GLIS3: variants seen among roughly 807,000 people sequenced by gnomAD.
GLIS3 encodes the protein zinc finger protein GLIS3.
In GLIS3, 53 loss-of-function variants were observed where a neutral mutation model predicts 78.6. The observed-to-expected ratio is 0.67, with a 90% CI of 0.54 to 0.85. The LOEUF is 0.85. Ranked by LOEUF, GLIS3 falls within the 40% of genes least tolerant of loss-of-function variation. GLIS3 has a pLI of 0.00. For synonymous variants in GLIS3, 684 were observed against 509.9 expected (o/e 1.34, Z -4.60); for missense variants, 1,703 against 1,231.1 (o/e 1.38, Z -5.74).
At chr9:4,176,423 A>G (rs916913113) in intron 2 of GLIS3, among the ~76,000 whole-genome samples, 2 of 152,190 alleles carry the variant, frequency 1.3e-5, no homozygotes, top group Non-Finnish European at 2.9e-5. Flanking sequence ...AGTTCTGTTC[A>G]TCTAGTTGTA....
intron 4 of GLIS3, among the ~76,000 whole-genome samples, chr9:4,002,814 G>T (rs1199659738): frequency 6.6e-6 from 1 of 152,154 alleles, no homozygotes; most frequent in Non-Finnish European, 1.5e-5. Flanking sequence ...GAAAAGGGAA[G>T]TTATCACCGA....
chr9:4,192,820 AAG>A (rs1491086901), intron 2 of GLIS3, among the ~76,000 whole-genome samples: 5 of 139,480 alleles, frequency 3.6e-5, no homozygotes, highest in Admixed American at 1.4e-4. Context: ...AAAAAAAAAA[AAG>A]AAGAAGAAGA....
chr9:4,200,277 T>A (rs142636320), intron 2 of GLIS3, among the ~76,000 whole-genome samples: 50 of 151,760 alleles, frequency 3.3e-4, no homozygotes, highest in African/African-American at 1.1e-3. Flanking sequence ...ACTCCAGAGC[T>A]AGCAGAAGAA....
At chr9:4,186,994 G>A (rs1343880714) in intron 2 of GLIS3, among the ~76,000 whole-genome samples, 1 of 152,074 alleles carries the variant, frequency 6.6e-6, no homozygotes, top group Non-Finnish European at 1.5e-5. Context: ...AAGCTCTTTA[G>A]TTTAATTAGA....
chr9:4,337,833 T>G (rs925494781), intron 2 of GLIS3, among the ~76,000 whole-genome samples: 2 of 152,164 alleles, frequency 1.3e-5, no homozygotes, highest in African/African-American at 4.8e-5. Flanking sequence ...GTTGTATCAT[T>G]TAATCCTCAC....
At chr9:4,197,962 G>A (rs1421818769) in intron 2 of GLIS3, among the ~76,000 whole-genome samples, 1 of 151,938 alleles carries the variant, frequency 6.6e-6, no homozygotes, top group Non-Finnish European at 1.5e-5. Flanking sequence ...GAGACAAAAA[G>A]AAAGAACAAA....
chr9:4,427,772 T>A, the GLIS3 span, among the ~76,000 whole-genome samples: 1 of 151,764 alleles, frequency 6.6e-6, no homozygotes, highest in African/African-American at 2.4e-5. Flanking sequence ...GGCACAAGAA[T>A]CGCTTGAATC....
At chr9:4,254,154 C>T (rs915969177) in intron 2 of GLIS3, among the ~76,000 whole-genome samples, 1 of 152,180 alleles carries the variant, frequency 6.6e-6, no homozygotes, top group Admixed American at 6.5e-5. Flanking sequence ...TTAATATTTA[C>T]TGCATGTCAC....
chr9:4,164,523 G>A (rs1421142645), intron 2 of GLIS3, among the ~76,000 whole-genome samples: 1 of 152,202 alleles, frequency 6.6e-6, no homozygotes, highest in Non-Finnish European at 1.5e-5. Context: ...TAACTCGACT[G>A]TGAAAGGGTC....
At chr9:4,110,094 G>T (rs1235235057) in intron 4 of GLIS3, among the ~76,000 whole-genome samples, 1 of 152,180 alleles carries the variant, frequency 6.6e-6, no homozygotes, top group African/African-American at 2.4e-5. Flanking sequence ...TATCCCCCGG[G>T]TAAGGTATGG....
intron 2 of GLIS3, among the ~76,000 whole-genome samples, chr9:4,281,306 A>T (rs1827527828): frequency 6.6e-6 from 1 of 152,166 alleles, no homozygotes; most frequent in Non-Finnish European, 1.5e-5. Flanking sequence ...CGATCGTCTT[A>T]ATCATTTGTA....
the GLIS3 span, among the ~76,000 whole-genome samples, chr9:4,420,045 G>A: frequency 7.1e-4 from 108 of 152,264 alleles, no homozygotes; most frequent in Non-Finnish European, 9.6e-4. Flanking sequence ...GGAATTTAGA[G>A]CAATGTCCTG....
At chr9:4,249,373 T>G (rs926815739) in intron 2 of GLIS3, among the ~76,000 whole-genome samples, 1 of 152,222 alleles carries the variant, frequency 6.6e-6, no homozygotes, top group East Asian at 1.9e-4. Flanking sequence ...TATTTTATCC[T>G]CTTTGTAGCA....
intron 4 of GLIS3, among the ~76,000 whole-genome samples, chr9:4,077,099 T>A (rs758600076): frequency 9.1e-6 from 1 of 109,878 alleles, no homozygotes; most frequent in Non-Finnish European, 1.6e-5. Context: ...TTCTTCTTAT[T>A]TGTCATTGAT....
At chr9:4,483,756 G>C in the GLIS3 span, among the ~76,000 whole-genome samples, 1 of 150,540 alleles carries the variant, frequency 6.6e-6, no homozygotes, top group Non-Finnish European at 1.5e-5. Context: ...TGTTGGTTAA[G>C]TGCACAAATT....
At chr9:4,122,004 C>T (rs147206023) in intron 3 of GLIS3, among the ~76,000 whole-genome samples, 2 of 152,284 alleles carry the variant, frequency 1.3e-5, no homozygotes, top group East Asian at 3.9e-4. Context: ...CTCATCTGAT[C>T]CTACTGATAT....
At chr9:4,163,579 T>TGGC (rs1835669787) in intron 2 of GLIS3, among the ~76,000 whole-genome samples, 1 of 152,260 alleles carries the variant, frequency 6.6e-6, no homozygotes, top group Non-Finnish European at 1.5e-5. Context: ...CAGGACAGCA[T>TGGC]GGCAGTTTGG....
chr9:4,334,562 G>A (rs1221631018), intron 2 of GLIS3, among the ~76,000 whole-genome samples: 1 of 152,204 alleles, frequency 6.6e-6, no homozygotes, highest in African/African-American at 2.4e-5. Context: ...CGTTGTCATG[G>A]GGAAGTTATT....
chr9:4,144,888 A>G (rs937501902), intron 2 of GLIS3: 12 of 152,254 alleles, frequency 7.9e-5, no homozygotes, highest in African/African-American at 2.9e-4. Context: ...AAGCAAGAAC[A>G]TGCTGTTTAT....
Sources: allele counts gnomAD v4.1 joint callset (sites outside exome capture counted in the v4.1 genomes callset), GRCh38; gene constraint gnomAD v4.1.1; transcripts MANE v1.5; gene names NCBI Gene and HGNC (gene_info 2026-07-23, HGNC 2026-07-21).